The following TRAPPC9 variants were observed in gnomAD, a reference collection of about 807,000 sequenced individuals.
TRAPPC9 encodes trafficking protein particle complex subunit 9, also known as IKK2 binding protein.
A neutral mutation model predicts 124.0 loss-of-function variants in TRAPPC9; 83 were observed. The ratio of observed to expected loss-of-function variants is 0.67; its 90% CI spans 0.56 to 0.80. TRAPPC9 has a LOEUF of 0.80. Ranked by LOEUF, TRAPPC9 falls within the 30% of genes least tolerant of loss-of-function variation. TRAPPC9 has a pLI of 0.00. For synonymous variants in TRAPPC9, 638 were observed against 617.5 expected (o/e 1.03, Z -0.49); for missense variants, 1,302 against 1,508.3 (o/e 0.86, Z 2.27).
intron 18 of TRAPPC9, among the ~76,000 whole-genome samples, chr8:139,994,906 T>A (rs1837869374): frequency 6.6e-6 from 1 of 151,950 alleles, no homozygotes; most frequent in East Asian, 1.9e-4. Flanking sequence ...GGGGAAATAC[T>A]CATATTTCAT....
chr8:139,969,070 C>T (rs1008132872), intron 19 of TRAPPC9, among the ~76,000 whole-genome samples: 2 of 152,248 alleles, frequency 1.3e-5, no homozygotes, highest in African/African-American at 4.8e-5. Flanking sequence ...TCTCTGAACA[C>T]ACGTACGCAC....
chr8:139,853,216 G>A (rs1011897140), intron 21 of TRAPPC9, among the ~76,000 whole-genome samples: 1 of 152,182 alleles, frequency 6.6e-6, no homozygotes, highest in Non-Finnish European at 1.5e-5. Context: ...GTAGCACATG[G>A]CGGTGGCAGG....
chr8:140,075,756 C>T (rs572228655), intron 17 of TRAPPC9, among the ~76,000 whole-genome samples: 4 of 152,212 alleles, frequency 2.6e-5, no homozygotes, highest in East Asian at 3.9e-4. Context: ...TAGAGGCATC[C>T]GACACATTGG....
chr8:139,806,018 G>C (rs1824026040), intron 21 of TRAPPC9: 1 of 152,260 alleles, frequency 6.6e-6, no homozygotes, highest in Non-Finnish European at 1.5e-5. Context: ...AGCTCTCAGT[G>C]GAACAGTCAA....
chr8:140,169,329 A>G (rs894365630), intron 17 of TRAPPC9, among the ~76,000 whole-genome samples: 1 of 152,308 alleles, frequency 6.6e-6, no homozygotes, highest in Non-Finnish European at 1.5e-5. Flanking sequence ...ACCCTCGCGC[A>G]TGACTGGCGG....
intron 8 of TRAPPC9, among the ~76,000 whole-genome samples, chr8:140,361,904 G>A (rs2067964991): frequency 1.3e-5 from 2 of 152,128 alleles, no homozygotes; most frequent in South Asian, 4.1e-4. Context: ...AACGCAAATA[G>A]CAGGGGCCCT....
chr8:139,856,972 G>A (rs896745431), intron 21 of TRAPPC9, among the ~76,000 whole-genome samples: 2 of 152,210 alleles, frequency 1.3e-5, no homozygotes, highest in Middle Eastern at 3.4e-3. Flanking sequence ...CTCTGCTCCC[G>A]GGAGCACTGA....
intron 2 of TRAPPC9, 39 bp from the exon 3 acceptor site, chr8:140,439,236 ACT>A: frequency 1.2e-6 from 2 of 1,607,714 alleles, no homozygotes; most frequent in Non-Finnish European, 1.7e-6. Flanking sequence ...TTACTATACA[ACT>A]CCCACCCAGA....
intron 19 of TRAPPC9, among the ~76,000 whole-genome samples, chr8:139,937,230 G>A (rs11776108): frequency 0.19 from 29,172 of 152,074 alleles, 2,831 homozygotes; most frequent in South Asian, 0.24. Context: ...TTATATTATG[G>A]GAAGAGGCAC....
chr8:140,123,224 G>A (rs189181276), intron 17 of TRAPPC9, among the ~76,000 whole-genome samples: 81 of 151,970 alleles, frequency 5.3e-4, no homozygotes, highest in African/African-American at 1.8e-3. Flanking sequence ...CCACAGTCAC[G>A]TCCGCCATGA....
At chr8:139,929,944 T>G (rs1302524423) in intron 19 of TRAPPC9, among the ~76,000 whole-genome samples, 1 of 152,218 alleles carries the variant, frequency 6.6e-6, no homozygotes, top group African/African-American at 2.4e-5. Flanking sequence ...AGCACCACCT[T>G]GTAGGTGCAG....
intron 9 of TRAPPC9, among the ~76,000 whole-genome samples, chr8:140,319,630 C>T (rs375135364): frequency 1.3e-5 from 2 of 152,106 alleles, no homozygotes; most frequent in Non-Finnish European, 2.9e-5. Context: ...CAACACCCAG[C>T]TAATTTTTCA....
chr8:140,173,892 T>A (rs1015632053), intron 17 of TRAPPC9, among the ~76,000 whole-genome samples: 1 of 152,208 alleles, frequency 6.6e-6, no homozygotes, highest in Non-Finnish European at 1.5e-5. Flanking sequence ...ACTGGGTAAG[T>A]GGCTCAGCTT....
chr8:140,142,364 T>C (rs7004133), intron 17 of TRAPPC9, among the ~76,000 whole-genome samples: 86,866 of 152,140 alleles, frequency 0.57, 26,944 homozygotes, highest in African/African-American at 0.83. Context: ...AAAAAGCACC[T>C]CCAAAACAGA....
intron 21 of TRAPPC9, among the ~76,000 whole-genome samples, chr8:139,823,911 C>A (rs1050896499): frequency 3.3e-5 from 5 of 152,220 alleles, no homozygotes; most frequent in Non-Finnish European, 7.3e-5. Flanking sequence ...ACCCTTGGCA[C>A]AGAAGGTCTT....
At chr8:140,385,890 C>T (rs1291759201) in intron 7 of TRAPPC9, among the ~76,000 whole-genome samples, 2 of 152,174 alleles carry the variant, frequency 1.3e-5, no homozygotes, top group African/African-American at 2.4e-5. Context: ...ACCAATATCC[C>T]TGATGAACAT....
intron 21 of TRAPPC9, among the ~76,000 whole-genome samples, chr8:139,802,670 G>A (rs1050899270): frequency 1.3e-5 from 2 of 152,158 alleles, no homozygotes; most frequent in Admixed American, 6.5e-5. Context: ...TCTCTTTTAC[G>A]GGCAAGAGAT....
chr8:140,146,110 G>GAT (rs1174530731), intron 17 of TRAPPC9, among the ~76,000 whole-genome samples: 11 of 152,154 alleles, frequency 7.2e-5, no homozygotes, highest in Non-Finnish European at 1.3e-4. Context: ...TTAACAAACT[G>GAT]ATATATGTTC....
intron 19 of TRAPPC9, among the ~76,000 whole-genome samples, chr8:139,928,438 G>A (rs1459533291): frequency 6.6e-6 from 1 of 152,024 alleles, no homozygotes; most frequent in Non-Finnish European, 1.5e-5. Flanking sequence ...GTTGCAGTGA[G>A]CCAAGATGGC....
Sources: gnomAD v4.1 joint callset for allele counts (sites outside exome capture counted in the v4.1 genomes callset) on GRCh38, gnomAD v4.1.1 for gene constraint, MANE v1.5 for transcripts, NCBI Gene and HGNC (gene_info 2026-07-23, HGNC 2026-07-21) for gene names.